ATP2B2: variants seen among roughly 807,000 people sequenced by gnomAD.
The protein encoded by ATP2B2 is plasma membrane calcium-transporting ATPase 2.
A neutral mutation model predicts 120.0 loss-of-function variants in ATP2B2; 15 were observed. That is an observed-to-expected ratio of 0.12 (90% confidence interval 0.08 to 0.19). The LOEUF (loss-of-function observed/expected upper bound fraction) is 0.19. Ranked by LOEUF, ATP2B2 falls within the 10% of genes least tolerant of loss-of-function variation. ATP2B2 has a pLI of 1.00. For missense variants in ATP2B2, 1,045 were observed against 1,719.8 expected, an observed-to-expected ratio of 0.61 and a Z score of 6.94; for synonymous variants, 694 against 700.3, an observed-to-expected ratio of 0.99 and a Z score of 0.14.
intron 1 of ATP2B2, among the ~76,000 whole-genome samples, chr3:10,690,432 ATATCTATCTATCTATCTATC>A (rs58646066): frequency 2.0e-5 from 3 of 148,920 alleles, no homozygotes; most frequent in East Asian, 2.0e-4. Flanking sequence ...ATCTATATCT[ATATCTATCTATCTATCTATC>A]TATCTATCTA....
At chr3:10,393,823 CAG>C (rs2061939714) in intron 5 of ATP2B2, among the ~76,000 whole-genome samples, 1 of 152,166 alleles carries the variant, frequency 6.6e-6, no homozygotes, top group Non-Finnish European at 1.5e-5. Context: ...AGAGAGTGGC[CAG>C]GACCTTCCCA....
chr3:10,489,256 C>T (rs1455223815), intron 1 of ATP2B2, among the ~76,000 whole-genome samples: 2 of 152,194 alleles, frequency 1.3e-5, no homozygotes, highest in African/African-American at 2.4e-5. Context: ...ACGATCCACT[C>T]ATTTATGTCT....
chr3:10,569,418 T>C (rs948436156), intron 2 of ATP2B2, among the ~76,000 whole-genome samples: 35 of 152,222 alleles, frequency 2.3e-4, no homozygotes, highest in Admixed American at 2.2e-3. Context: ...GTGCTAGAAA[T>C]AGGATTGGGG....
At chr3:10,685,500 G>C (rs2071497508) in intron 1 of ATP2B2, among the ~76,000 whole-genome samples, 1 of 131,670 alleles carries the variant, frequency 7.6e-6, no homozygotes, top group Non-Finnish European at 1.7e-5. Flanking sequence ...ACTTGCCTGA[G>C]AGAGAGAGAG....
At position 10,327,631 on chromosome 3, in the gene ATP2B2, TG is replaced by T. The variant is rs2059880659; in HGVS notation, c.*1182del. The T allele has an allele frequency of 6.5e-6, 1 of 152,828 alleles. No homozygotes were observed. Among genetic ancestry groups the T allele is most frequent in the South Asian group, 2.1e-4 (1 of 4,830 alleles). The allele number at this position is 152,828 out of a possible 1,614,324, so 9.5% of individuals were successfully genotyped here. On this transcript the variant is annotated 3_prime_UTR_variant, in exon 23 of 23. Transcript: ENST00000360273. ...TGCCAAAGAGAACCTATTTTTGAAA[TG>T]CTCTTAGTAAACTCAAGCGAGTTTC...
intron 1 of ATP2B2, among the ~76,000 whole-genome samples, chr3:10,643,385 T>A (rs186446391): frequency 8.5e-5 from 13 of 152,304 alleles, no homozygotes; most frequent in Admixed American, 5.2e-4. Flanking sequence ...CAAGCAAGAA[T>A]AATCAATGAA....
At chr3:10,601,422 T>C (rs543638649) in intron 2 of ATP2B2, among the ~76,000 whole-genome samples, 2 of 152,246 alleles carry the variant, frequency 1.3e-5, no homozygotes, top group East Asian at 1.9e-4. Context: ...AGGCCTTGCC[T>C]GAGTCAGAGG....
chr3:10,526,279 C>T (rs933262108), intron 3 of ATP2B2, among the ~76,000 whole-genome samples: 4 of 152,142 alleles, frequency 2.6e-5, no homozygotes, highest in African/African-American at 4.8e-5. Context: ...CGGTGTGTAC[C>T]GGCCAACAGA....
intron 2 of ATP2B2, among the ~76,000 whole-genome samples, chr3:10,591,353 T>G (rs140588283): frequency 6.6e-6 from 1 of 152,144 alleles, no homozygotes; most frequent in South Asian, 2.1e-4. Flanking sequence ...ACCAACCCCA[T>G]GCTCAAAACT....
chr3:10,612,363 C>A (rs904114021), intron 2 of ATP2B2, among the ~76,000 whole-genome samples: 1 of 152,214 alleles, frequency 6.6e-6, no homozygotes, highest in Admixed American at 6.5e-5. Context: ...GAGGCCATTT[C>A]TTGGTCCTCC....
At chr3:10,603,175 C>G (rs1159793459) in intron 2 of ATP2B2, among the ~76,000 whole-genome samples, 1 of 152,256 alleles carries the variant, frequency 6.6e-6, no homozygotes, top group Non-Finnish European at 1.5e-5. Context: ...AGTTCACCTT[C>G]TCTGGGCCTG....
chr3:10,471,513 G>A (rs1175596067), intron 1 of ATP2B2, among the ~76,000 whole-genome samples: 1 of 152,008 alleles, frequency 6.6e-6, no homozygotes, highest in Non-Finnish European at 1.5e-5. Flanking sequence ...GGAGGGGAAA[G>A]AGAAAGGAAA....
chr3:10,683,764 A>ATGTG (rs1559520137), intron 1 of ATP2B2, among the ~76,000 whole-genome samples: 6 of 25,736 alleles, frequency 2.3e-4, no homozygotes, highest in African/African-American at 8.8e-4. Flanking sequence ...GTGTGTGTAT[A>ATGTG]TATATATATA....
chr3:10,634,309 G>C (rs900268381), intron 1 of ATP2B2, among the ~76,000 whole-genome samples: 2 of 152,242 alleles, frequency 1.3e-5, no homozygotes, highest in African/African-American at 4.8e-5. Context: ...CTGTCAGTTG[G>C]TGGCAGCTGC....
At position 10,402,230 on chromosome 3, in the gene ATP2B2, G is replaced by C. The variant is rs777990801; in HGVS notation, c.516C>G (p.Asp172Glu). ...ICVVLVTAFN[D>E]WSKEKQFRGL... ...CCCGGAACTGTTTCTCTTTGCTCCAGTCATTGAAGGCCGTGACCAGGACCA... is the reference window on the plus strand; with the variant it reads ...CCCGGAACTGTTTCTCTTTGCTCCACTCATTGAAGGCCGTGACCAGGACCA... Residue 172 changes from aspartate to glutamate, a missense_variant, in exon 4 of 23, where the codon GAC becomes GAG. This residue lies in a region of ATP2B2 where 30 missense variants were observed against 66.7 expected (regional missense o/e 0.45). Coordinates refer to ENST00000360273, the MANE Select transcript of ATP2B2 (RefSeq NM_001001331.4). This position sits in a 1 kb window ranked among gnomAD's most constrained non-coding sequence, Gnocchi z 4.9. 6.2e-7 allele frequency: 1 copy of C among 1,614,182 alleles called. No individual in the cohort carries two copies. Among genetic ancestry groups the C allele is most frequent in the East Asian group, 2.2e-5 (1 of 44,884 alleles).
intron 2 of ATP2B2, among the ~76,000 whole-genome samples, chr3:10,435,867 A>G (rs1298170403): frequency 2.6e-5 from 4 of 152,230 alleles, no homozygotes; most frequent in Admixed American, 6.5e-5. Context: ...TAAAAAAGAT[A>G]TTATAAAAGA....
At chr3:10,341,557 C>T (rs1028000876) in intron 19 of ATP2B2, among the ~76,000 whole-genome samples, 6 of 152,168 alleles carry the variant, frequency 3.9e-5, no homozygotes, top group Admixed American at 6.5e-5. Context: ...GTGATCCACC[C>T]GCCTCGGCCT....
At chr3:10,479,080 A>G (rs570403412) in intron 1 of ATP2B2, among the ~76,000 whole-genome samples, 13 of 137,862 alleles carry the variant, frequency 9.4e-5, no homozygotes, top group African/African-American at 3.5e-4. Context: ...CTGTGAGTCA[A>G]TTAAACCTCT....
intron 2 of ATP2B2, among the ~76,000 whole-genome samples, chr3:10,592,414 C>G (rs2068665117): frequency 6.6e-6 from 1 of 152,274 alleles, no homozygotes; most frequent in Non-Finnish European, 1.5e-5. Flanking sequence ...CTCCCACACC[C>G]ATGGCCCTTC....
Sources: gnomAD v4.1 joint callset for allele counts (sites outside exome capture counted in the v4.1 genomes callset) on GRCh38, gnomAD v4.1.1 for gene constraint, gnomAD v4.1.1 regional missense constraint, Gnocchi (gnomAD v3.1) non-coding constraint, MANE v1.5 for transcripts, NCBI Gene and HGNC (gene_info 2026-07-23, HGNC 2026-07-21) for gene names.